Variants in RABGAP1L observed in about 807,000 individuals in gnomAD.
The protein encoded by RABGAP1L is RAB GTPase activating protein 1 like, also known as rab GTPase-activating protein 1-like.
Under a neutral mutation model 137.7 loss-of-function variants are expected in RABGAP1L, and 63 were observed. The ratio of observed to expected loss-of-function variants is 0.46; its 90% CI spans 0.37 to 0.56. The LOEUF is 0.56. Among genes scored for constraint, RABGAP1L ranks in the 20% least tolerant of loss-of-function variants. The probability of loss-of-function intolerance (pLI) is 0.00; values close to 1 mark genes in which losing one functional copy is unlikely to be tolerated. For missense variants in RABGAP1L, 1,095 were observed against 1,244.0 expected (o/e 0.88, Z 1.80); for synonymous variants, 431 against 433.7 (o/e 0.99, Z 0.08).
intron 13 of RABGAP1L, among the ~76,000 whole-genome samples, chr1:174,610,742 C>G (rs940697713): frequency 5.3e-5 from 8 of 152,206 alleles, no homozygotes; most frequent in Admixed American, 4.6e-4. Flanking sequence ...TTAATGATCA[C>G]CATTCTAACT....
At chr1:174,614,064 G>T (rs538360560) in intron 13 of RABGAP1L, among the ~76,000 whole-genome samples, 1 of 152,268 alleles carries the variant, frequency 6.6e-6, no homozygotes, top group African/African-American at 2.4e-5. Context: ...TACATGTAAA[G>T]TTAATATTGT....
intron 12 of RABGAP1L, among the ~76,000 whole-genome samples, chr1:174,378,247 C>T (rs1235585579): frequency 6.6e-5 from 10 of 151,376 alleles, no homozygotes; most frequent in African/African-American, 1.2e-4. Context: ...AATAAACATA[C>T]GTGTGTATGT....
At position 174,921,410 on chromosome 1, in the gene RABGAP1L, T is replaced by C. The variant is rs114243225; in HGVS notation, c.2341-36047T>C. On this transcript the variant is annotated intron_variant, in intron 19 of 25. Transcript: ENST00000681986. Reference sequence around the variant, plus strand: ...TGTGGACAGATACATTTGTTTTTTATAGACCTACAAACTTTCTTACCATTA... The same window carrying C: ...TGTGGACAGATACATTTGTTTTTTACAGACCTACAAACTTTCTTACCATTA... Among the ~76,000 whole-genome samples the C allele has an allele frequency of 9.5e-3, 1,448 of 152,356 alleles. 24 individuals are homozygous for C. The highest frequency in any genetic ancestry group is 0.033 in the African/African-American group (1,388 of 41,578).
At chr1:174,441,816 C>G (rs1250933593) in intron 13 of RABGAP1L, among the ~76,000 whole-genome samples, 1 of 150,538 alleles carries the variant, frequency 6.6e-6, no homozygotes, top group Non-Finnish European at 1.5e-5. Flanking sequence ...AAAGAAAAAA[C>G]TACTTTGAGC....
chr1:174,886,766 A>C, intron 19 of RABGAP1L, among the ~76,000 whole-genome samples: 1 of 151,948 alleles, frequency 6.6e-6, no homozygotes, highest in East Asian at 1.9e-4. Flanking sequence ...GATTTTCATA[A>C]CTTTTTTCTT....
chr1:174,786,989 G>C (rs1050941476), intron 18 of RABGAP1L, among the ~76,000 whole-genome samples: 1 of 152,182 alleles, frequency 6.6e-6, no homozygotes, highest in Admixed American at 6.5e-5. Context: ...GAGTTTCACT[G>C]GGAAGTAGGG....
chr1:174,341,555 A>G (rs1299463714), intron 11 of RABGAP1L, among the ~76,000 whole-genome samples: 1 of 152,194 alleles, frequency 6.6e-6, no homozygotes, highest in Non-Finnish European at 1.5e-5. Context: ...TGTTCAGAGT[A>G]CATGTTTTGC....
chr1:174,824,690 A>C (rs76718135), intron 19 of RABGAP1L, among the ~76,000 whole-genome samples: 3,211 of 152,208 alleles, frequency 0.021, 53 homozygotes, highest in Middle Eastern at 0.085. Context: ...TCATATTTTC[A>C]TTTCTCCAAC....
At chr1:174,776,769 A>T (rs1228560907) in intron 18 of RABGAP1L, among the ~76,000 whole-genome samples, 5 of 152,148 alleles carry the variant, frequency 3.3e-5, no homozygotes, top group Non-Finnish European at 7.3e-5. Context: ...CAATACCATT[A>T]ATTTGATCTT....
At chr1:174,907,911 G>T (rs1052571343) in intron 19 of RABGAP1L, among the ~76,000 whole-genome samples, 1 of 152,154 alleles carries the variant, frequency 6.6e-6, no homozygotes, top group Non-Finnish European at 1.5e-5. Flanking sequence ...GCTATATGCT[G>T]CCTTCAAGAA....
chr1:174,923,912 GGTTT>G (rs1327643979), intron 19 of RABGAP1L, among the ~76,000 whole-genome samples: 2 of 150,412 alleles, frequency 1.3e-5, no homozygotes, highest in Non-Finnish European at 2.9e-5. Context: ...AGAAAAAGTC[GGTTT>G]GTTTAATTGT....
chr1:174,260,605 G>A (rs1673502362), intron 7 of RABGAP1L, among the ~76,000 whole-genome samples: 1 of 152,166 alleles, frequency 6.6e-6, no homozygotes, highest in South Asian at 2.1e-4. Context: ...TGTTCCCAAA[G>A]CAGAAATGGT....
intron 13 of RABGAP1L, among the ~76,000 whole-genome samples, chr1:174,612,304 A>T (rs909086002): frequency 3.9e-5 from 6 of 152,172 alleles, no homozygotes; most frequent in African/African-American, 9.7e-5. Flanking sequence ...TCTGCATCTA[A>T]TGAGATAATC....
At chr1:174,440,103 G>A (rs1653945477) in intron 13 of RABGAP1L, among the ~76,000 whole-genome samples, 1 of 152,142 alleles carries the variant, frequency 6.6e-6, no homozygotes, top group South Asian at 2.1e-4. Flanking sequence ...AGGGAACATA[G>A]CAAATATATT....
intron 1 of RABGAP1L, among the ~76,000 whole-genome samples, chr1:174,204,595 A>T (rs1007337283): frequency 6.6e-6 from 1 of 152,074 alleles, no homozygotes; most frequent in African/African-American, 2.4e-5. Flanking sequence ...GTTTACTGAG[A>T]ATTTTTAACA....
intron 1 of RABGAP1L, among the ~76,000 whole-genome samples, chr1:174,186,905 T>C (rs1006596607): frequency 1.3e-5 from 2 of 152,202 alleles, no homozygotes; most frequent in African/African-American, 4.8e-5. Flanking sequence ...TAATGCTTCA[T>C]TGTAGATTTT....
At chr1:174,944,295 A>AT (rs1267151190) in intron 19 of RABGAP1L, among the ~76,000 whole-genome samples, 1 of 150,384 alleles carries the variant, frequency 6.6e-6, no homozygotes, top group East Asian at 2.0e-4. Flanking sequence ...AAAAAAAAAA[A>AT]GCAAAGTTGT....
chr1:174,713,995 C>T (rs745655169), intron 17 of RABGAP1L, among the ~76,000 whole-genome samples: 8 of 152,136 alleles, frequency 5.3e-5, no homozygotes, highest in Admixed American at 1.3e-4. Flanking sequence ...TGTGGTTTCC[C>T]ACTAAATAAA....
chr1:174,879,734 A>G (rs1021124787), intron 19 of RABGAP1L, among the ~76,000 whole-genome samples: 2 of 152,100 alleles, frequency 1.3e-5, no homozygotes, highest in African/African-American at 4.8e-5. Flanking sequence ...CTGGAAGACA[A>G]AAAAAAGCAA....
Sources: gnomAD v4.1 joint callset for allele counts (sites outside exome capture counted in the v4.1 genomes callset) on GRCh38, gnomAD v4.1.1 for gene constraint, MANE v1.5 for transcripts, NCBI Gene and HGNC (gene_info 2026-07-23, HGNC 2026-07-21) for gene names.